The following CHLSN variants were observed in gnomAD, a reference collection of about 807,000 sequenced individuals.
The protein encoded by CHLSN is cholesin.
chr7:1,110,598 C>A, the CHLSN span, among the ~76,000 whole-genome samples: 180 of 152,334 alleles, frequency 1.2e-3, 3 homozygotes, highest in East Asian at 0.032. Context: ...GGGGCCGCAT[C>A]CCGAGGGAGC....
At chr7:1,136,540 GAACATATATA>G in the CHLSN span, among the ~76,000 whole-genome samples, 17 of 106,322 alleles carry the variant, frequency 1.6e-4, no homozygotes, top group East Asian at 5.2e-4. Flanking sequence ...ACATATATAT[GAACATATATA>G]AACATATATA....
chr7:993,714 TG>T, the CHLSN span, among the ~76,000 whole-genome samples: 1 of 151,620 alleles, frequency 6.6e-6, no homozygotes, highest in East Asian at 1.9e-4. Flanking sequence ...GGGGTGGAGG[TG>T]GCAGCGAGCA....
At chr7:1,050,550 T>C in the CHLSN span, among the ~76,000 whole-genome samples, 6 of 152,214 alleles carry the variant, frequency 3.9e-5, no homozygotes, top group Non-Finnish European at 8.8e-5. Flanking sequence ...TCCGAGCGGA[T>C]GCTCTGCAAG....
At chr7:1,032,839 T>C in the CHLSN span, among the ~76,000 whole-genome samples, 9 of 152,240 alleles carry the variant, frequency 5.9e-5, no homozygotes, top group Admixed American at 5.9e-4. Flanking sequence ...TGCACGTATG[T>C]GGGCAGCGCC....
chr7:987,349 C>G, the CHLSN span: 3 of 1,575,764 alleles, frequency 1.9e-6, no homozygotes, highest in Non-Finnish European at 1.7e-6. Flanking sequence ...TGCCCCAGGC[C>G]GGGTGCAGGA....
the CHLSN span, chr7:1,092,192 G>A: frequency 5.6e-6 from 9 of 1,613,060 alleles, no homozygotes; most frequent in East Asian, 2.2e-5. Flanking sequence ...AGCTTCGACC[G>A]CTACATCGCC....
chr7:1,093,539 G>A, the CHLSN span: 9 of 470,864 alleles, frequency 1.9e-5, no homozygotes, highest in African/African-American at 6.0e-5. Flanking sequence ...TGGAGCGCCC[G>A]CCGTCTGCTC....
the CHLSN span, among the ~76,000 whole-genome samples, chr7:1,040,289 G>C: frequency 1.5e-4 from 22 of 151,238 alleles, no homozygotes; most frequent in Admixed American, 1.1e-3. Flanking sequence ...CCAGGAGTTT[G>C]AGACCAGCCT....
chr7:1,116,203 T>TA, the CHLSN span, among the ~76,000 whole-genome samples: 1 of 131,840 alleles, frequency 7.6e-6, no homozygotes. Context: ...ACTACAGCTC[T>TA]AGGGACTGGC....
chr7:1,022,584 C>G, the CHLSN span, among the ~76,000 whole-genome samples: 2 of 152,188 alleles, frequency 1.3e-5, no homozygotes, highest in Non-Finnish European at 2.9e-5. Context: ...CACGGCAACC[C>G]TCGCAGAGTA....
chr7:988,440 G>A, the CHLSN span: 3 of 1,611,702 alleles, frequency 1.9e-6, no homozygotes, highest in African/African-American at 2.7e-5. Flanking sequence ...TCGGGGCCGG[G>A]GTGGGGCGGC....
chr7:1,022,991 G>A, the CHLSN span: 2 of 468,232 alleles, frequency 4.3e-6, no homozygotes, highest in Non-Finnish European at 8.6e-6. Flanking sequence ...GCAGGCACAC[G>A]TGAGCTCCTG....
chr7:1,114,793 G>C, the CHLSN span, among the ~76,000 whole-genome samples: 1 of 152,246 alleles, frequency 6.6e-6, no homozygotes, highest in South Asian at 2.1e-4. Context: ...CATTCTGCCC[G>C]GGCGATGGGC....
chr7:1,110,446 G>A, the CHLSN span, among the ~76,000 whole-genome samples: 1 of 152,374 alleles, frequency 6.6e-6, no homozygotes, highest in South Asian at 2.1e-4. Flanking sequence ...AAATCTAACG[G>A]AGGCTGGGAA....
At chr7:1,132,651 G>A in the CHLSN span, among the ~76,000 whole-genome samples, 1 of 144,230 alleles carries the variant, frequency 6.9e-6, no homozygotes, top group Non-Finnish European at 1.5e-5. Flanking sequence ...CCATGATTAT[G>A]CCACTGCAAC....
At chr7:1,085,434 G>A in the CHLSN span, among the ~76,000 whole-genome samples, 94 of 152,294 alleles carry the variant, frequency 6.2e-4, no homozygotes, top group Non-Finnish European at 1.0e-3. Flanking sequence ...TGAGGCCGCG[G>A]TGACACCACC....
At chr7:1,125,021 A>C in the CHLSN span, among the ~76,000 whole-genome samples, 1 of 152,172 alleles carries the variant, frequency 6.6e-6, no homozygotes, top group Non-Finnish European at 1.5e-5. Flanking sequence ...CGACCCTCTG[A>C]GACAGCCAGG....
At chr7:1,113,774 G>A in the CHLSN span, among the ~76,000 whole-genome samples, 356 of 152,190 alleles carry the variant, frequency 2.3e-3, 1 homozygote, top group African/African-American at 7.9e-3. Context: ...ATTCCTACCC[G>A]CGGGTGCCAG....
the CHLSN span, among the ~76,000 whole-genome samples, chr7:1,003,773 G>C: frequency 9.9e-6 from 1 of 100,902 alleles, no homozygotes; most frequent in Non-Finnish European, 2.0e-5. Flanking sequence ...TGTGGGTGGG[G>C]AGTCCTTGGG....
Sources: gnomAD v4.1 joint callset for allele counts (sites outside exome capture counted in the v4.1 genomes callset) on GRCh38, gnomAD v4.1.1 for gene constraint, MANE v1.5 for transcripts, NCBI Gene and HGNC (gene_info 2026-07-23, HGNC 2026-07-21) for gene names.